The following ADAMTS16 variants were observed in gnomAD, a reference collection of about 807,000 sequenced individuals.
ADAMTS16 encodes ADAM metallopeptidase with thrombospondin type 1 motif 16.
ADAMTS16 carries 94 observed loss-of-function variants against 145.8 expected under a neutral mutation model. The observed-to-expected ratio is 0.64, with a 90% CI of 0.55 to 0.77. The LOEUF is 0.77. Ranked by LOEUF, ADAMTS16 falls within the 30% of genes least tolerant of loss-of-function variation. The pLI is 0.00. For synonymous variants in ADAMTS16, 659 were observed against 604.3 expected (o/e 1.09, Z -1.33); for missense variants, 1,585 against 1,591.5 (o/e 1.00, Z 0.07).
At chr5:5,268,086 A>G (rs1013974993) in intron 18 of ADAMTS16, among the ~76,000 whole-genome samples, 1 of 152,188 alleles carries the variant, frequency 6.6e-6, no homozygotes, top group African/African-American at 2.4e-5. Context: ...GATGACAAAA[A>G]GAAAATGTGT....
intron 18 of ADAMTS16, among the ~76,000 whole-genome samples, chr5:5,285,645 T>A (rs1739077358): frequency 6.6e-6 from 1 of 152,238 alleles, no homozygotes; most frequent in Non-Finnish European, 1.5e-5. Flanking sequence ...TTATAGGAAC[T>A]CTGTAAACTA....
chr5:5,295,195 AAAG>A (rs1739483013), intron 18 of ADAMTS16, among the ~76,000 whole-genome samples: 1 of 152,184 alleles, frequency 6.6e-6, no homozygotes, highest in Non-Finnish European at 1.5e-5. Context: ...GAGTTTCTTT[AAAG>A]AAGGATGAAA....
At chr5:5,315,224 G>T (rs1734002680) in intron 21 of ADAMTS16, among the ~76,000 whole-genome samples, 1 of 152,172 alleles carries the variant, frequency 6.6e-6, no homozygotes, top group Non-Finnish European at 1.5e-5. Flanking sequence ...ACTATCACAA[G>T]AACAGCATGG....
intron 10 of ADAMTS16, among the ~76,000 whole-genome samples, chr5:5,214,222 T>C (rs1381369120): frequency 6.6e-6 from 1 of 152,208 alleles, no homozygotes; most frequent in African/African-American, 2.4e-5. Context: ...TGTGGCAGTT[T>C]TGTTTTGTTT....
At chr5:5,197,254 T>A (rs909807701) in intron 8 of ADAMTS16, among the ~76,000 whole-genome samples, 1 of 152,218 alleles carries the variant, frequency 6.6e-6, no homozygotes, top group South Asian at 2.1e-4. Flanking sequence ...TCTCAGTATA[T>A]CATTAATAAT....
intron 18 of ADAMTS16, among the ~76,000 whole-genome samples, chr5:5,288,204 C>A (rs1176708010): frequency 1.3e-5 from 2 of 152,136 alleles, no homozygotes; most frequent in Non-Finnish European, 2.9e-5. Context: ...AGAACGGAAG[C>A]CCATACACAG....
chr5:5,257,965 G>T (rs1737852055), intron 17 of ADAMTS16, among the ~76,000 whole-genome samples: 1 of 152,100 alleles, frequency 6.6e-6, no homozygotes, highest in Non-Finnish European at 1.5e-5. Flanking sequence ...CTTGATTGAC[G>T]ATCATGGGTT....
At position 5,182,085 on chromosome 5, in the gene ADAMTS16, G is replaced by T. The variant is rs1441081029; in HGVS notation, c.543G>T (p.Arg181Ser). ...IRTEEADYFL[R>S]PLPSHLSWKL... ...CAGAAGAGGCAGATTACTTCCTAAG[G>T]CCACTTCCTTCACACCTCTCATGGA... The change falls in exon 4 of 23, where the codon AGG (arginine) becomes AGT (serine). Residue 181 changes from arginine (R) to serine (S), a missense_variant. Around this residue, in one of 3 missense-constraint regions of ADAMTS16, gnomAD observed 453 missense variants for 412.1 expected, o/e 1.10. Coordinates refer to ENST00000274181, the MANE Select transcript of ADAMTS16 (RefSeq NM_139056.4). 6.2e-7 allele frequency: 1 copy of T among 1,613,684 alleles called. No homozygotes were observed. The highest frequency in any genetic ancestry group is 1.1e-5 in the South Asian group (1 of 91,058).
intron 18 of ADAMTS16, among the ~76,000 whole-genome samples, chr5:5,294,537 C>A (rs1739452991): frequency 6.6e-6 from 1 of 152,192 alleles, no homozygotes; most frequent in African/African-American, 2.4e-5. Context: ...TTACAGGGGT[C>A]ATCAACTTTA....
chr5:5,229,869 G>A (rs1043634171), intron 11 of ADAMTS16, among the ~76,000 whole-genome samples: 3 of 152,182 alleles, frequency 2.0e-5, no homozygotes, highest in Admixed American at 2.0e-4. Context: ...ACTCAAAGAT[G>A]TAAAGGATCT....
chr5:5,216,274 T>G (rs1046884994), intron 10 of ADAMTS16, among the ~76,000 whole-genome samples: 2 of 152,192 alleles, frequency 1.3e-5, no homozygotes, highest in Non-Finnish European at 2.9e-5. Context: ...GATTTTGATT[T>G]GCATTTCCCT....
At position 5,146,488 on chromosome 5, in the gene ADAMTS16, G is replaced by A. The variant is rs140847241; in HGVS notation, c.501+33G>A. The A allele has an allele frequency of 1.9e-4, 294 of 1,561,424 alleles. No homozygotes were observed. In the African/African-American group the frequency reaches 2.7e-3, roughly 14 times the overall value. On this transcript the variant is annotated intron_variant, in intron 3 of 22. Transcript: ENST00000274181. The stretch of plus-strand genomic sequence containing the variant: ...CAGCGCAAGCCCCAGGTAGGGAGGC[G>A]AGGTTGGTGATGGTGGAAAGGAGAG...
At chr5:5,212,196 TTTGTTTTGTTTTGTTTTG>T (rs1267195747) in intron 10 of ADAMTS16, among the ~76,000 whole-genome samples, 1 of 105,940 alleles carries the variant, frequency 9.4e-6, no homozygotes, top group Non-Finnish European at 2.2e-5. Flanking sequence ...TGGGGTTTTT[TTTGTTTTGTTTTGTTTTG>T]TTTTTTTTTT....
intron 17 of ADAMTS16, among the ~76,000 whole-genome samples, chr5:5,253,573 G>T (rs1381414613): frequency 3.3e-5 from 5 of 152,196 alleles, no homozygotes; most frequent in African/African-American, 1.2e-4. Flanking sequence ...CTTTAGCTTA[G>T]TAATTTTGAG....
At chr5:5,193,393 G>A (rs59348371) in intron 8 of ADAMTS16, among the ~76,000 whole-genome samples, 2,960 of 152,234 alleles carry the variant, frequency 0.019, 111 homozygotes, top group African/African-American at 0.068. Flanking sequence ...TTGAATCATA[G>A]TTGTATTTTT....
At chr5:5,183,587 A>G (rs1808529) in intron 4 of ADAMTS16, among the ~76,000 whole-genome samples, 63,579 of 152,118 alleles carry the variant, frequency 0.42, 15,210 homozygotes, top group African/African-American at 0.63. Flanking sequence ...AGCAGACGCC[A>G]CAGTGGACCT....
At chr5:5,220,252 C>T (rs978699626) in intron 10 of ADAMTS16, among the ~76,000 whole-genome samples, 7 of 150,130 alleles carry the variant, frequency 4.7e-5, no homozygotes, top group East Asian at 2.0e-4. Context: ...CTCTAACTTC[C>T]AGGTTCACGC....
rs1490237987 is a variant in ADAMTS16, at chr5:5,306,572, A to G, written c.3255A>G (p.Gly1085=). The G allele has an allele frequency of 4.3e-6, 7 of 1,614,090 alleles. No homozygotes were observed. The highest frequency in any genetic ancestry group is 5.9e-6 in the Non-Finnish European group (7 of 1,180,054). The change falls in exon 21 of 23, where the codon GGA becomes GGG. Residue 1085 remains glycine (G), a synonymous_variant. Coordinates refer to ENST00000274181, the MANE Select transcript of ADAMTS16 (RefSeq NM_139056.4). ...FLKCAEKYVS[G]KYRELASKKC... Reference sequence around the variant, plus strand: ...AATGTGCTGAAAAGTATGTTTCTGGAAAGTATCGAGAGCTGGCCTCAAAGA... The same window carrying G: ...AATGTGCTGAAAAGTATGTTTCTGGGAAGTATCGAGAGCTGGCCTCAAAGA...
At chr5:5,172,936 T>C (rs1735085396) in intron 3 of ADAMTS16, among the ~76,000 whole-genome samples, 1 of 152,166 alleles carries the variant, frequency 6.6e-6, no homozygotes, top group South Asian at 2.1e-4. Context: ...ACAATTGTTG[T>C]ATCCTCTTGT....
Sources: allele counts gnomAD v4.1 joint callset (sites outside exome capture counted in the v4.1 genomes callset), GRCh38; gene constraint gnomAD v4.1.1; regional missense constraint gnomAD v4.1.1; transcripts MANE v1.5; gene names NCBI Gene and HGNC (gene_info 2026-07-23, HGNC 2026-07-21).